MYO16: variants seen among roughly 807,000 people sequenced by gnomAD.
MYO16 encodes myosin XVI, also known as unconventional myosin-XVI.
Under a neutral mutation model 205.3 loss-of-function variants are expected in MYO16, and 94 were observed. The observed-to-expected ratio is 0.46, with a 90% confidence interval of 0.39 to 0.54. MYO16 has a LOEUF of 0.54. MYO16 is among the 20% of genes least tolerant of loss of function. The pLI is 0.00. For missense variants in MYO16, 2,315 were observed against 2,387.5 expected, an observed-to-expected ratio of 0.97 and a Z score of 0.63; for synonymous variants, 988 against 954.0, an observed-to-expected ratio of 1.04 and a Z score of -0.66.
intron 9 of MYO16, among the ~76,000 whole-genome samples, chr13:108,838,533 T>C (rs984190198): frequency 1.3e-5 from 2 of 149,498 alleles, no homozygotes; most frequent in South Asian, 2.1e-4. Flanking sequence ...CTTGGCATGG[T>C]GGTTCATGCC....
At chr13:108,552,763 G>A in the MYO16 span, among the ~76,000 whole-genome samples, 1 of 152,044 alleles carries the variant, frequency 6.6e-6, no homozygotes, top group African/African-American at 2.4e-5. Context: ...CTGAGACTGG[G>A]TACTCTGTCC....
the MYO16 span, among the ~76,000 whole-genome samples, chr13:108,577,959 A>G: frequency 2.0e-5 from 3 of 152,184 alleles, no homozygotes; most frequent in Non-Finnish European, 2.9e-5. Flanking sequence ...AAATAGCCCC[A>G]TCAGGGATCT....
At chr13:108,824,696 T>C (rs1876161990) in intron 9 of MYO16, among the ~76,000 whole-genome samples, 1 of 152,080 alleles carries the variant, frequency 6.6e-6, no homozygotes, top group South Asian at 2.1e-4. Flanking sequence ...ACATGGAACA[T>C]TCTTTTACTA....
intron 20 of MYO16, among the ~76,000 whole-genome samples, chr13:108,965,146 G>A (rs1566436069): frequency 1.3e-5 from 2 of 152,106 alleles, no homozygotes; most frequent in Non-Finnish European, 2.9e-5. Context: ...GCATAGATAT[G>A]CAAATGCATT....
At chr13:108,650,178 A>AT (rs66484661) in intron 1 of MYO16, among the ~76,000 whole-genome samples, 75,293 of 151,806 alleles carry the variant, frequency 0.5, 18,986 homozygotes, top group Admixed American at 0.58. Flanking sequence ...AAAATCATGC[A>AT]TTTTTTTCAG....
At chr13:108,628,659 T>G (rs965051288), upstream of MYO16, among the ~76,000 whole-genome samples, 1 of 152,194 alleles carries the variant, frequency 6.6e-6, no homozygotes, top group Non-Finnish European at 1.5e-5. Flanking sequence ...GTAATAGTCA[T>G]GACCCCTTGT....
intron 3 of MYO16, among the ~76,000 whole-genome samples, chr13:108,723,073 T>G (rs1884221413): frequency 6.6e-6 from 1 of 152,146 alleles, no homozygotes; most frequent in Admixed American, 6.6e-5. Flanking sequence ...TGTACACTCT[T>G]GAGACGATCT....
At chr13:108,496,617 G>T in the MYO16 span, among the ~76,000 whole-genome samples, 1 of 152,318 alleles carries the variant, frequency 6.6e-6, no homozygotes, top group East Asian at 1.9e-4. Flanking sequence ...CGGTGGAAGT[G>T]CTCCGTTTAA....
At chr13:108,558,056 T>C in the MYO16 span, among the ~76,000 whole-genome samples, 5 of 152,232 alleles carry the variant, frequency 3.3e-5, 1 homozygote, top group Non-Finnish European at 7.3e-5. Context: ...TTTTCAATTT[T>C]CTTAAAGAAA....
intron 9 of MYO16, among the ~76,000 whole-genome samples, chr13:108,832,112 G>A (rs1876651858): frequency 6.8e-6 from 1 of 146,928 alleles, no homozygotes; most frequent in Admixed American, 6.8e-5. Flanking sequence ...ATACTACTTT[G>A]ACTTTCCAGT....
intron 1 of MYO16, among the ~76,000 whole-genome samples, chr13:108,639,174 A>T (rs1482453184): frequency 6.6e-6 from 1 of 152,150 alleles, no homozygotes; most frequent in Non-Finnish European, 1.5e-5. Flanking sequence ...AGTGTGGATT[A>T]AAGGAGAGAC....
the MYO16 span, among the ~76,000 whole-genome samples, chr13:108,588,591 A>G: frequency 6.6e-6 from 1 of 152,236 alleles, no homozygotes; most frequent in East Asian, 1.9e-4. Context: ...AACATTCATT[A>G]TACTTGCAAA....
At chr13:108,994,441 C>T (rs1172100266) in intron 21 of MYO16, among the ~76,000 whole-genome samples, 1 of 152,112 alleles carries the variant, frequency 6.6e-6, no homozygotes, top group Non-Finnish European at 1.5e-5. Context: ...GTGCAAATCT[C>T]ATCTTATGAT....
chr13:108,542,999 G>A, the MYO16 span, among the ~76,000 whole-genome samples: 2 of 151,738 alleles, frequency 1.3e-5, no homozygotes, highest in East Asian at 1.9e-4. Context: ...GAATACAAAC[G>A]GAGAAAACAT....
At chr13:108,886,186 A>G (rs1879871908) in intron 13 of MYO16, among the ~76,000 whole-genome samples, 1 of 151,960 alleles carries the variant, frequency 6.6e-6, no homozygotes, top group Admixed American at 6.6e-5. Flanking sequence ...ACGAGGTTTC[A>G]CCGTGTTAGC....
At chr13:108,727,054 A>C (rs2139583192) in intron 3 of MYO16, among the ~76,000 whole-genome samples, 1 of 151,522 alleles carries the variant, frequency 6.6e-6, no homozygotes. Context: ...ACAGTGACAA[A>C]GGATGCATGT....
rs764202954 is a variant in MYO16 at position 109,206,762 on chromosome 13, C to T, written c.5569C>T (p.Pro1857Ser). 3.1e-6 allele frequency: 5 copies of T among 1,614,044 alleles called. No homozygotes were observed. The African/African-American group carries it at 6.7e-5, about 22-fold the overall frequency. ...RVPPPPPCKK[P>S]SLLKKPEGAS... ...GCCTCCCCCACCACCTTGCAAGAAG[C>T]CCAGCCTTCTGAAGAAGCCGGAAGG... Residue 1857 changes from proline (P) to serine (S), a missense_variant, in exon 35 of 35, where the codon CCC (proline) becomes TCC (serine). Transcript: ENST00000457511.
At chr13:108,645,508 G>A (rs1880714177) in intron 1 of MYO16, among the ~76,000 whole-genome samples, 2 of 152,120 alleles carry the variant, frequency 1.3e-5, no homozygotes, top group Admixed American at 6.6e-5. Context: ...TCTGTGCCCC[G>A]ATCTCCTTCC....
intron 22 of MYO16, among the ~76,000 whole-genome samples, chr13:109,011,033 G>A (rs1885579592): frequency 6.7e-6 from 1 of 149,072 alleles, no homozygotes; most frequent in Non-Finnish European, 1.5e-5. Flanking sequence ...GCCACTCTGA[G>A]CTTCTTGCAG....
Sources: allele counts gnomAD v4.1 joint callset (sites outside exome capture counted in the v4.1 genomes callset), GRCh38; gene constraint gnomAD v4.1.1; transcripts MANE v1.5; gene names NCBI Gene and HGNC (gene_info 2026-07-23, HGNC 2026-07-21).